LATS2: variants seen among roughly 807,000 people sequenced by gnomAD.
LATS2 encodes serine/threonine-protein kinase LATS2.
A neutral mutation model predicts 76.0 loss-of-function variants in LATS2; 24 were observed. That is an observed-to-expected ratio of 0.32 (90% confidence interval 0.23 to 0.44). The LOEUF (loss-of-function observed/expected upper bound fraction) is 0.44. Ranked by LOEUF, LATS2 falls within the 20% of genes least tolerant of loss-of-function variation. LATS2 has a pLI of 1.00. For missense variants in LATS2, 1,286 were observed against 1,481.2 expected (o/e 0.87, Z 2.16); for synonymous variants, 692 against 635.4 (o/e 1.09, Z -1.34).
chr13:21,027,889 G>A (rs1321950172), intron 2 of LATS2, among the ~76,000 whole-genome samples: 2 of 151,988 alleles, frequency 1.3e-5, no homozygotes, highest in East Asian at 3.9e-4. Flanking sequence ...CTTCTGATCT[G>A]TGAACATACT....
intron 2 of LATS2, among the ~76,000 whole-genome samples, chr13:21,009,269 G>A (rs1196784194): frequency 6.6e-6 from 1 of 152,220 alleles, no homozygotes; most frequent in African/African-American, 2.4e-5. Flanking sequence ...TGGAAGGCAG[G>A]AGCAAGCATG....
chr13:21,004,693 A>G (rs1223524781), intron 2 of LATS2, among the ~76,000 whole-genome samples: 1 of 152,192 alleles, frequency 6.6e-6, no homozygotes, highest in Admixed American at 6.5e-5. Flanking sequence ...TAATAGCACC[A>G]TGGGGCTGTT....
At chr13:21,007,485 A>ATT (rs1480119533) in intron 2 of LATS2, among the ~76,000 whole-genome samples, 2 of 129,930 alleles carry the variant, frequency 1.5e-5, no homozygotes, top group Non-Finnish European at 3.2e-5. Context: ...GGTTTCTTCC[A>ATT]ATCAGAGCCA....
chr13:21,023,788 A>G (rs1471434894), intron 2 of LATS2, among the ~76,000 whole-genome samples: 5 of 151,706 alleles, frequency 3.3e-5, no homozygotes, highest in Non-Finnish European at 5.9e-5. Flanking sequence ...AGCCTGACCA[A>G]CCTGGAGAAA....
intron 2 of LATS2, among the ~76,000 whole-genome samples, chr13:21,041,059 G>A (rs963433358): frequency 4.8e-4 from 73 of 151,718 alleles, no homozygotes; most frequent in African/African-American, 1.6e-3. Flanking sequence ...TGCAAGCTCC[G>A]CCTCCTGGGT....
intron 2 of LATS2, among the ~76,000 whole-genome samples, chr13:21,015,504 G>A (rs1230206026): frequency 6.6e-6 from 1 of 152,132 alleles, no homozygotes; most frequent in Non-Finnish European, 1.5e-5. Context: ...AAAACCCAAG[G>A]AAAACTTACT....
At chr13:21,038,029 C>T (rs1317776947) in intron 2 of LATS2, among the ~76,000 whole-genome samples, 1 of 152,156 alleles carries the variant, frequency 6.6e-6, no homozygotes, top group East Asian at 1.9e-4. Context: ...CCGCTTGAGC[C>T]CAGGAGGTCG....
At position 20,983,625 on chromosome 13, in the gene LATS2, T is replaced by G; in HGVS notation, c.2081A>C (p.Tyr694Ser). Residue 694 changes from tyrosine (Y) to serine (S), a missense_variant, in exon 5 of 8, where the codon TAC becomes TCC. Physicochemically the swap from Tyr to Ser is moderately radical, Grantham distance 144. This residue lies in a region of LATS2 where 247 missense variants were observed against 385.4 expected (regional missense o/e 0.64). Transcript: ENST00000382592. ...LACKVDTHALYAMKTLRKKDV... is the reference protein window; with the variant it reads ...LACKVDTHALSAMKTLRKKDV... ...CTTTTTCCTTAGGGTCTTCATGGCG[T>G]ACAGGGCGTGAGTGTCCACCTTACA... 1 of 1,614,170 alleles carries G rather than the reference T, an allele frequency of 6.2e-7. No individual in the cohort carries two copies. Among genetic ancestry groups the G allele is most frequent in the South Asian group, 1.1e-5 (1 of 91,088 alleles).
At chr13:21,021,474 C>CAAAAAAAAAAAAA (rs58976562) in intron 2 of LATS2, among the ~76,000 whole-genome samples, 2 of 48,378 alleles carry the variant, frequency 4.1e-5, no homozygotes, top group African/African-American at 1.4e-4. Flanking sequence ...GACTCTGTCT[C>CAAAAAAAAAAAAA]AAAAAAAAAA....
At chr13:21,059,249 T>C (rs555991390) in intron 1 of LATS2, among the ~76,000 whole-genome samples, 1 of 152,364 alleles carries the variant, frequency 6.6e-6, no homozygotes, top group South Asian at 2.1e-4. Flanking sequence ...CGGCCAAATG[T>C]ATACTCTATG....
rs142593118 is a variant in LATS2, at chr13:21,003,427, T to C, written c.343-12023A>G. 6.2e-4 allele frequency among the ~76,000 whole-genome samples: 92 copies of C among 148,584 alleles called. 2 individuals are homozygous for C. The highest frequency in any genetic ancestry group is 2.0e-3 in the African/African-American group (81 of 39,876). On this transcript the variant is annotated intron_variant, in intron 2 of 7. Transcript: ENST00000382592. ...CCACCACACACAACTAATTTTTGTC[T>C]GTCTTTCTTTTTTTTCCTTTTTTTT... is the stretch of plus-strand genomic sequence containing the variant.
chr13:21,006,453 T>A (rs1470047486), intron 2 of LATS2, among the ~76,000 whole-genome samples: 1 of 152,172 alleles, frequency 6.6e-6, no homozygotes, highest in Non-Finnish European at 1.5e-5. Flanking sequence ...ATGATGAGAC[T>A]GAGTTTATAA....
At chr13:21,048,837 C>CAAAAAAT (rs917278558) in intron 1 of LATS2, among the ~76,000 whole-genome samples, 5 of 150,662 alleles carry the variant, frequency 3.3e-5, no homozygotes, top group African/African-American at 1.2e-4. Context: ...AACTCCGTCT[C>CAAAAAAT]AAAAAATAAA....
chr13:20,982,559 C>T (rs1026275895), intron 5 of LATS2, among the ~76,000 whole-genome samples: 33 of 152,052 alleles, frequency 2.2e-4, no homozygotes, highest in Non-Finnish European at 3.5e-4. Flanking sequence ...GATCCGCCCA[C>T]CTTGGGCTTT....
chr13:21,030,662 C>T (rs1443320834), intron 2 of LATS2, among the ~76,000 whole-genome samples: 1 of 151,444 alleles, frequency 6.6e-6, no homozygotes, highest in Admixed American at 6.6e-5. Context: ...CATTTAACTC[C>T]CCCAACTCAT....
intron 2 of LATS2, among the ~76,000 whole-genome samples, chr13:21,030,356 G>A (rs1480117086): frequency 3.3e-5 from 5 of 151,840 alleles, no homozygotes; most frequent in South Asian, 2.1e-4. Flanking sequence ...TTGGGAGGCC[G>A]ACACGGGTGG....
intron 2 of LATS2, among the ~76,000 whole-genome samples, chr13:21,031,246 TCA>T (rs1337495390): frequency 1.3e-5 from 2 of 152,228 alleles, no homozygotes; most frequent in Non-Finnish European, 2.9e-5. Flanking sequence ...TGAATGCTTT[TCA>T]CCACATTTGA....
intron 2 of LATS2, among the ~76,000 whole-genome samples, chr13:21,015,321 G>T (rs1019802864): frequency 6.6e-6 from 1 of 152,158 alleles, no homozygotes; most frequent in South Asian, 2.1e-4. Flanking sequence ...TCAGGATCCT[G>T]CCCTGGAAGA....
chr13:21,052,711 CTTTT>C (rs1285725390), intron 1 of LATS2, among the ~76,000 whole-genome samples: 1 of 152,200 alleles, frequency 6.6e-6, no homozygotes, highest in Non-Finnish European at 1.5e-5. Flanking sequence ...AAGTAGCTTT[CTTTT>C]AACTGTAAAG....
Sources: gnomAD v4.1 joint callset for allele counts (sites outside exome capture counted in the v4.1 genomes callset) on GRCh38, gnomAD v4.1.1 for gene constraint, gnomAD v4.1.1 regional missense constraint, MANE v1.5 for transcripts, NCBI Gene and HGNC (gene_info 2026-07-23, HGNC 2026-07-21) for gene names.